The following RCAN1 variants were observed in gnomAD, a reference collection of about 807,000 sequenced individuals.
RCAN1 encodes the protein calcipressin-1.
In RCAN1, 11 loss-of-function variants were observed where a neutral mutation model predicts 22.9. The observed-to-expected ratio is 0.48, with a 90% confidence interval of 0.30 to 0.79. The LOEUF is 0.79. Among genes scored for constraint, RCAN1 ranks in the 30% least tolerant of loss-of-function variants. RCAN1 has a pLI of 0.06. For missense variants in RCAN1, 291 were observed against 337.8 expected, an observed-to-expected ratio of 0.86 and a Z score of 1.09; for synonymous variants, 136 against 142.3, an observed-to-expected ratio of 0.96 and a Z score of 0.32.
chr21:34,569,800 A>G (rs1987171661), intron 1 of RCAN1, among the ~76,000 whole-genome samples: 1 of 152,244 alleles, frequency 6.6e-6, no homozygotes, highest in Admixed American at 6.5e-5. Flanking sequence ...CATTTTACAG[A>G]TGAGGAAATA....
intron 1 of RCAN1, among the ~76,000 whole-genome samples, chr21:34,595,265 T>C (rs1988109176): frequency 6.6e-6 from 1 of 152,120 alleles, no homozygotes; most frequent in Non-Finnish European, 1.5e-5. Flanking sequence ...GTGGGAGAAA[T>C]TCATCATAGC....
chr21:34,534,491 C>T (rs1985575675), intron 1 of RCAN1, among the ~76,000 whole-genome samples: 1 of 152,122 alleles, frequency 6.6e-6, no homozygotes, highest in Non-Finnish European at 1.5e-5. Flanking sequence ...ACAAAAGCTT[C>T]ATGAGGACAA....
intron 1 of RCAN1, among the ~76,000 whole-genome samples, chr21:34,542,354 C>T (rs1359611880): frequency 1.3e-5 from 2 of 152,290 alleles, no homozygotes; most frequent in South Asian, 4.1e-4. Flanking sequence ...TGCCCTTCTG[C>T]CTTGTTCTCT....
intron 1 of RCAN1, among the ~76,000 whole-genome samples, chr21:34,549,727 T>C (rs531061277): frequency 6.6e-6 from 1 of 152,348 alleles, no homozygotes; most frequent in Non-Finnish European, 1.5e-5. Context: ...CAATGGCTGA[T>C]GTTCTGAAAT....
In RCAN1 at chr21:34,615,047, C is replaced by A. The variant is rs1988785266; in HGVS notation, c.-36G>T. 2 of 1,023,196 alleles carry A rather than the reference C, an allele frequency of 2.0e-6. No individual in the cohort carries two copies. Among genetic ancestry groups the A allele is most frequent in the South Asian group, 4.5e-5 (1 of 22,356 alleles). 63.4% of individuals were successfully genotyped at this position (1,023,196 alleles called of 1,614,324 possible). On this transcript the variant is annotated 5_prime_UTR_variant, in exon 1 of 4. Coordinates refer to ENST00000313806, the MANE Select transcript of RCAN1 (RefSeq NM_004414.7). ...GCGCGACCCTGTGCGCCCCAGCGGGCTGCTCCGGGCTTGCGCGCCGGAGCC... is the reference window on the plus strand; with the variant it reads ...GCGCGACCCTGTGCGCCCCAGCGGGATGCTCCGGGCTTGCGCGCCGGAGCC...
chr21:34,538,603 G>A (rs573053444), intron 1 of RCAN1, among the ~76,000 whole-genome samples: 23 of 152,280 alleles, frequency 1.5e-4, no homozygotes, highest in Admixed American at 5.2e-4. Context: ...AAAGGAAACT[G>A]GGCAGAGGGA....
chr21:34,537,827 TG>T, intron 1 of RCAN1, among the ~76,000 whole-genome samples: 1 of 87,442 alleles, frequency 1.1e-5, no homozygotes, highest in Non-Finnish European at 2.1e-5. Context: ...ACATGGTAAT[TG>T]TGTGTGTGTG....
intron 1 of RCAN1, among the ~76,000 whole-genome samples, chr21:34,558,220 C>A (rs1040532363): frequency 1.3e-5 from 2 of 152,112 alleles, no homozygotes; most frequent in South Asian, 4.1e-4. Flanking sequence ...TTTCAGGTTC[C>A]CATCACCAAA....
chr21:34,524,875 TC>T (rs1244585943), intron 1 of RCAN1, among the ~76,000 whole-genome samples: 1 of 152,120 alleles, frequency 6.6e-6, no homozygotes, highest in African/African-American at 2.4e-5. Flanking sequence ...CCACTGCAAC[TC>T]CTCAGAGAGG....
intron 1 of RCAN1, among the ~76,000 whole-genome samples, chr21:34,528,562 T>G (rs545869623): frequency 1.3e-5 from 2 of 152,310 alleles, no homozygotes; most frequent in African/African-American, 4.8e-5. Flanking sequence ...ACAGGGAGCC[T>G]TTGTCTGTCC....
Position 34,614,689 on chromosome 21 carries a change from G to C in RCAN1, c.252+71C>G, listed in dbSNP as rs929620238. The C allele has an allele frequency of 1.4e-5, 18 of 1,290,704 alleles. No homozygotes were observed. The Admixed American group carries it at 6.4e-4, about 46-fold the overall frequency. 80.0% of individuals were successfully genotyped at this position (1,290,704 alleles called of 1,614,324 possible). A position where few individuals can be genotyped will look rare whatever the true frequency, so the allele number is the denominator to read the frequency against. On this transcript the variant is annotated intron_variant, in intron 1 of 3. Coordinates refer to ENST00000313806, the MANE Select transcript of RCAN1 (RefSeq NM_004414.7). This position sits in a 1 kb window ranked among gnomAD's most constrained non-coding sequence, Gnocchi z 6.0. ...GCGCGCGGCCGGGACTGGGCGCTGC[G>C]ACCCGCGCCGCCTCCTCGGGCAACA...
At chr21:34,588,879 A>G (rs982007355) in intron 1 of RCAN1, among the ~76,000 whole-genome samples, 8 of 152,246 alleles carry the variant, frequency 5.3e-5, no homozygotes, top group African/African-American at 1.9e-4. Flanking sequence ...AACATGTACA[A>G]TATAGATGAA....
intron 1 of RCAN1, among the ~76,000 whole-genome samples, chr21:34,602,454 A>G (rs1372602483): frequency 6.6e-6 from 1 of 152,212 alleles, no homozygotes; most frequent in Non-Finnish European, 1.5e-5. Context: ...ATGAACCCTG[A>G]ATCACTTTCC....
chr21:34,589,710 G>GA (rs1555870161), intron 1 of RCAN1, among the ~76,000 whole-genome samples: 7 of 45,436 alleles, frequency 1.5e-4, no homozygotes, highest in African/African-American at 5.2e-4. Flanking sequence ...GAGAACAAAA[G>GA]GGGGGAGTCT....
At chr21:34,580,285 TA>T (rs1381021777) in intron 1 of RCAN1, among the ~76,000 whole-genome samples, 2 of 152,180 alleles carry the variant, frequency 1.3e-5, no homozygotes, top group Non-Finnish European at 2.9e-5. Flanking sequence ...TTTCTTTAGC[TA>T]AACCTGCTGG....
chr21:34,601,197 G>A (rs1988329017), intron 1 of RCAN1, among the ~76,000 whole-genome samples: 1 of 152,238 alleles, frequency 6.6e-6, no homozygotes, highest in South Asian at 2.1e-4. Flanking sequence ...GCAGCTGCAA[G>A]CAATGTAGAC....
intron 1 of RCAN1, among the ~76,000 whole-genome samples, chr21:34,612,466 C>T (rs1460556562): frequency 6.6e-6 from 1 of 152,218 alleles, no homozygotes; most frequent in African/African-American, 2.4e-5. Flanking sequence ...GTGCAGAGGC[C>T]TCCCTGGGCC....
intron 1 of RCAN1, among the ~76,000 whole-genome samples, chr21:34,595,490 T>A (rs1988116144): frequency 1.3e-5 from 2 of 152,254 alleles, no homozygotes; most frequent in East Asian, 3.8e-4. Context: ...ACTGGCTCTC[T>A]GCTAAGAGTG....
chr21:34,600,491 A>G (rs934505977), intron 1 of RCAN1, among the ~76,000 whole-genome samples: 2 of 152,122 alleles, frequency 1.3e-5, no homozygotes, highest in African/African-American at 4.8e-5. Context: ...GAAGGGAGAA[A>G]GGAGGGGAAG....
Sources: allele counts gnomAD v4.1 joint callset (sites outside exome capture counted in the v4.1 genomes callset), GRCh38; gene constraint gnomAD v4.1.1; non-coding constraint Gnocchi (gnomAD v3.1); transcripts MANE v1.5; gene names NCBI Gene and HGNC (gene_info 2026-07-23, HGNC 2026-07-21).